TENM3: variants seen among roughly 807,000 people sequenced by gnomAD.
TENM3 encodes teneurin-3.
TENM3 carries 63 observed loss-of-function variants against 255.1 expected under a neutral mutation model. The observed-to-expected ratio is 0.25, with a 90% CI of 0.20 to 0.30. The LOEUF is 0.30. TENM3 is among the 10% of genes least tolerant of loss of function. The probability of loss-of-function intolerance (pLI) is 1.00; values close to 1 mark genes in which losing one functional copy is unlikely to be tolerated. For synonymous variants in TENM3, 1,306 were observed against 1,322.3 expected (o/e 0.99, Z 0.27); for missense variants, 2,929 against 3,461.1 (o/e 0.85, Z 3.86).
At chr4:182,085,860 TTC>T in the TENM3 span, among the ~76,000 whole-genome samples, 1 of 152,306 alleles carries the variant, frequency 6.6e-6, no homozygotes, top group South Asian at 2.1e-4. Flanking sequence ...TAAAAACCAT[TTC>T]TCTTTTTATG....
chr4:182,293,876 A>G (rs774099209), intron 1 of TENM3, among the ~76,000 whole-genome samples: 5 of 152,204 alleles, frequency 3.3e-5, no homozygotes, highest in African/African-American at 4.8e-5. Flanking sequence ...TGAGGTATGA[A>G]TGAGGCTTAA....
chr4:182,324,153 G>A lies in TENM3; in HGVS notation c.133G>A (p.Glu45Lys), dbSNP rs1318076930. 2.5e-6 allele frequency: 4 copies of A among 1,613,996 alleles called. 1 individual carries two copies. Among genetic ancestry groups the A allele is most frequent in the East Asian group, 2.2e-5 (1 of 44,882 alleles). ...CACACAGAAGTCCTACAGTTCCAGC[G>A]AGACATTGAAAGCTTTTGATCATGA... ...VPTQKSYSSS[E>K]TLKAFDHDSS... The change falls in exon 2 of 28, where the codon GAG (glutamate) becomes AAG (lysine). Residue 45 changes from glutamate (E) to lysine (K), a missense_variant. Glu to Lys is a moderately conservative substitution (Grantham distance 56). Coordinates refer to ENST00000511685, the MANE Select transcript of TENM3 (RefSeq NM_001080477.4).
At chr4:182,260,557 A>T (rs1047132374) in intron 1 of TENM3, among the ~76,000 whole-genome samples, 1 of 152,246 alleles carries the variant, frequency 6.6e-6, no homozygotes, top group East Asian at 1.9e-4. Context: ...AGTTGGGGAC[A>T]GTCTGTAATA....
At chr4:182,472,329 G>T (rs1224582215) in intron 3 of TENM3, among the ~76,000 whole-genome samples, 1 of 151,832 alleles carries the variant, frequency 6.6e-6, no homozygotes, top group Non-Finnish European at 1.5e-5. Flanking sequence ...CATAATTATG[G>T]CTATTAATAT....
At chr4:182,083,546 C>T in the TENM3 span, among the ~76,000 whole-genome samples, 3 of 151,672 alleles carry the variant, frequency 2.0e-5, no homozygotes, top group African/African-American at 7.3e-5. Flanking sequence ...GTAAATGTGC[C>T]GCATTTTAGA....
intron 3 of TENM3, among the ~76,000 whole-genome samples, chr4:182,448,438 G>C (rs1580578465): frequency 6.6e-6 from 1 of 152,204 alleles, no homozygotes; most frequent in Non-Finnish European, 1.5e-5. Context: ...GCGAGCTGGA[G>C]GGCCGAGTTT....
At chr4:182,502,546 T>C (rs1439928599) in intron 3 of TENM3, among the ~76,000 whole-genome samples, 1 of 152,158 alleles carries the variant, frequency 6.6e-6, no homozygotes, top group Non-Finnish European at 1.5e-5. Flanking sequence ...TCACTCATCT[T>C]TTGTTTCTGA....
chr4:182,773,184 A>C (rs1180368518), intron 22 of TENM3, among the ~76,000 whole-genome samples: 1 of 152,244 alleles, frequency 6.6e-6, no homozygotes, highest in Admixed American at 6.5e-5. Flanking sequence ...GTTCCCTTTG[A>C]AACAGCAAAT....
At chr4:182,791,859 G>T (rs1276659537) in intron 25 of TENM3, among the ~76,000 whole-genome samples, 1 of 152,076 alleles carries the variant, frequency 6.6e-6, no homozygotes, top group Non-Finnish European at 1.5e-5. Context: ...TCAGATGAGG[G>T]GGGGAAAGCC....
At chr4:181,484,221 C>T in the TENM3 span, among the ~76,000 whole-genome samples, 1 of 151,948 alleles carries the variant, frequency 6.6e-6, no homozygotes, top group South Asian at 2.1e-4. Context: ...ACACAGTAAG[C>T]GGCCACATTA....
At chr4:181,981,762 A>G in the TENM3 span, among the ~76,000 whole-genome samples, 2 of 152,174 alleles carry the variant, frequency 1.3e-5, no homozygotes, top group Admixed American at 1.3e-4. Context: ...AAAAGTCACA[A>G]GAGACTATAA....
chr4:181,764,868 T>C, the TENM3 span, among the ~76,000 whole-genome samples: 49 of 152,110 alleles, frequency 3.2e-4, no homozygotes, highest in East Asian at 9.5e-3. Context: ...TTTTTATTTT[T>C]ATGTTTTGTA....
the TENM3 span, among the ~76,000 whole-genome samples, chr4:181,990,178 A>G: frequency 1.2e-4 from 18 of 152,256 alleles, no homozygotes; most frequent in East Asian, 2.3e-3. Flanking sequence ...ACTTTAAACT[A>G]TGCTATTTAA....
intron 5 of TENM3, among the ~76,000 whole-genome samples, chr4:182,646,690 C>T (rs1395527885): frequency 2.6e-5 from 4 of 151,992 alleles, no homozygotes; most frequent in African/African-American, 7.2e-5. Flanking sequence ...TGCAGTGAGC[C>T]GGGATTGCGC....
intron 1 of TENM3, among the ~76,000 whole-genome samples, chr4:182,185,081 CA>C (rs35344065): frequency 0.095 from 14,270 of 149,700 alleles, 888 homozygotes; most frequent in Admixed American, 0.18. Flanking sequence ...AAAACTCTGT[CA>C]AAAAAAAAAA....
intron 12 of TENM3, among the ~76,000 whole-genome samples, chr4:182,706,648 T>C (rs1330676868): frequency 6.6e-6 from 1 of 152,158 alleles, no homozygotes; most frequent in Non-Finnish European, 1.5e-5. Flanking sequence ...TTTTATCTGC[T>C]TTAATATAAA....
At chr4:182,478,626 A>G (rs752687657) in intron 3 of TENM3, among the ~76,000 whole-genome samples, 1 of 152,006 alleles carries the variant, frequency 6.6e-6, no homozygotes, top group African/African-American at 2.4e-5. Context: ...AAAAATTTAT[A>G]TGTTAATAAA....
the TENM3 span, among the ~76,000 whole-genome samples, chr4:181,937,475 C>T: frequency 6.6e-6 from 1 of 152,014 alleles, no homozygotes; most frequent in Non-Finnish European, 1.5e-5. Flanking sequence ...GGAAGAGTGA[C>T]GATTGAAGTG....
At chr4:182,380,137 G>A (rs1300684246) in intron 3 of TENM3, among the ~76,000 whole-genome samples, 5 of 152,100 alleles carry the variant, frequency 3.3e-5, no homozygotes, top group South Asian at 2.1e-4. Context: ...CGGGCCTGGT[G>A]GCAGGTGCCT....
Sources: allele counts gnomAD v4.1 joint callset (sites outside exome capture counted in the v4.1 genomes callset), GRCh38; gene constraint gnomAD v4.1.1; transcripts MANE v1.5; gene names NCBI Gene and HGNC (gene_info 2026-07-23, HGNC 2026-07-21).